Variants in PUS7 observed in about 807,000 individuals in gnomAD.
The protein encoded by PUS7 is pseudouridylate synthase 7 homolog.
PUS7 carries 48 observed loss-of-function variants against 79.8 expected under a neutral mutation model. The observed-to-expected ratio is 0.60, with a 90% CI of 0.48 to 0.76. The LOEUF (loss-of-function observed/expected upper bound fraction) is 0.76. Among genes scored for constraint, PUS7 ranks in the 30% least tolerant of loss-of-function variants. The probability of loss-of-function intolerance (pLI) is 0.00; values close to 1 mark genes in which losing one functional copy is unlikely to be tolerated. For missense variants in PUS7, 729 were observed against 797.6 expected (o/e 0.91, Z 1.04); for synonymous variants, 286 against 272.2 (o/e 1.05, Z -0.50).
chr7:105,516,790 G>C (rs1165344304), intron 1 of PUS7, among the ~76,000 whole-genome samples: 3 of 152,008 alleles, frequency 2.0e-5, no homozygotes, highest in African/African-American at 7.2e-5. Flanking sequence ...TTGGGGAGAG[G>C]AGAGAGAGGT....
intron 1 of PUS7, among the ~76,000 whole-genome samples, chr7:105,511,043 T>A (rs1218520030): frequency 6.6e-6 from 1 of 151,836 alleles, no homozygotes; most frequent in Non-Finnish European, 1.5e-5. Flanking sequence ...TTTATTTATT[T>A]ATTTTTGAGA....
chr7:105,465,285 A>G lies in PUS7; in HGVS notation c.1627+28T>C. The G allele has an allele frequency of 2.0e-6, 3 of 1,491,996 alleles. No individual in the cohort carries two copies. In the South Asian group the frequency reaches 3.5e-5, roughly 17 times the overall value. The allele number at this position is 1,491,996 out of a possible 1,614,324, so 92.4% of individuals were successfully genotyped here. The stretch of plus-strand genomic sequence containing the variant: ...AGCTTCATTATGTTAAACTTGTTTT[A>G]ACTATTTTCCCCATACAGGGAACTT... On this transcript the variant is annotated intron_variant, in intron 13 of 15. Coordinates refer to ENST00000469408, the MANE Select transcript of PUS7 (RefSeq NM_019042.5).
intron 5 of PUS7, among the ~76,000 whole-genome samples, chr7:105,496,195 A>T (rs1457989380): frequency 1.5e-5 from 1 of 64,708 alleles, no homozygotes; most frequent in African/African-American, 8.2e-5. Context: ...ACACACACAC[A>T]CATATATATA....
chr7:105,472,079 G>T, intron 10 of PUS7, 53 bp downstream of exon 10: 1 of 1,156,142 alleles, frequency 8.6e-7, no homozygotes, highest in South Asian at 1.4e-5. Context: ...GCAATTTCAT[G>T]AATACCTAGC....
intron 7 of PUS7, among the ~76,000 whole-genome samples, chr7:105,486,028 TTTTC>T (rs1209298867): frequency 6.6e-6 from 1 of 151,628 alleles, no homozygotes; most frequent in Non-Finnish European, 1.5e-5. Flanking sequence ...CTATATTTAT[TTTTC>T]TTTCTTTTTT....
chr7:105,467,034 GTTT>G (rs56177512), intron 12 of PUS7, among the ~76,000 whole-genome samples: 4,178 of 70,656 alleles, frequency 0.059, 265 homozygotes, highest in African/African-American at 0.18. Context: ...AGTTTTTTCT[GTTT>G]TTTTTTTTTT....
chr7:105,494,849 G>A (rs185979029), intron 6 of PUS7, among the ~76,000 whole-genome samples: 131 of 151,776 alleles, frequency 8.6e-4, no homozygotes, highest in African/African-American at 3.1e-3. Context: ...TGTGGCATAC[G>A]CCTGTAATCC....
intron 11 of PUS7, 137 bp downstream of exon 11, chr7:105,470,551 G>T: frequency 9.7e-7 from 1 of 1,029,828 alleles, no homozygotes; most frequent in Non-Finnish European, 1.4e-6. Context: ...GACTACTCAG[G>T]TGAAACACCT....
At chr7:105,508,629 G>C in intron 1 of PUS7, 85 bp from the exon 2 acceptor site, 1 of 1,491,650 alleles carries the variant, frequency 6.7e-7, no homozygotes, top group Non-Finnish European at 8.9e-7. Context: ...TGTAATCCCA[G>C]CGTTTTGAGG....
intron 1 of PUS7, among the ~76,000 whole-genome samples, chr7:105,510,523 T>A (rs1825661493): frequency 6.6e-6 from 1 of 151,618 alleles, no homozygotes. Context: ...AAATTTTAAT[T>A]TTTTTTTTGA....
chr7:105,488,452 G>GA (rs1301492542), intron 7 of PUS7, among the ~76,000 whole-genome samples: 3 of 152,012 alleles, frequency 2.0e-5, no homozygotes, highest in Non-Finnish European at 4.4e-5. Flanking sequence ...CAGATGGAAA[G>GA]AAAAAAGACA....
At position 105,504,230 on chromosome 7, in the gene PUS7, C is replaced by T. The variant is rs6957802; in HGVS notation, c.586-1666G>A. On this transcript the variant is annotated intron_variant, in intron 4 of 15. Transcript: ENST00000469408. The stretch of plus-strand genomic sequence containing the variant: ...GATTACAGGTGCCCGCCACCACGCC[C>T]AGCTAATTTTTCGTATTTTTAGTAG... Among the ~76,000 whole-genome samples, 544 of 137,000 alleles carry T rather than the reference C, an allele frequency of 4.0e-3. 15 individuals carry two copies. The highest frequency in any genetic ancestry group is 0.014 in the African/African-American group (523 of 38,556). 89.9% of individuals were successfully genotyped at this position (137,000 alleles called of 152,430 possible).
chr7:105,465,001 T>C (rs1823580684), intron 13 of PUS7, among the ~76,000 whole-genome samples: 1 of 152,138 alleles, frequency 6.6e-6, no homozygotes, highest in African/African-American at 2.4e-5. Context: ...GTATTTTTAG[T>C]AGAGACGGGG....
At chr7:105,477,256 TA>T (rs1484041262) in intron 9 of PUS7, among the ~76,000 whole-genome samples, 1 of 151,986 alleles carries the variant, frequency 6.6e-6, no homozygotes, top group Non-Finnish European at 1.5e-5. Context: ...TTTATTTTAT[TA>T]TTTTTTTTTT....
At chr7:105,496,681 G>C (rs1480691014) in intron 5 of PUS7, among the ~76,000 whole-genome samples, 1 of 152,178 alleles carries the variant, frequency 6.6e-6, no homozygotes, top group Non-Finnish European at 1.5e-5. Flanking sequence ...AACCATTTCA[G>C]AAAACTGCCA....
intron 13 of PUS7, among the ~76,000 whole-genome samples, chr7:105,463,725 C>T (rs905979044): frequency 6.6e-6 from 1 of 151,654 alleles, no homozygotes; most frequent in African/African-American, 2.4e-5. Context: ...GCCTTCTACT[C>T]ATTCAGTAAC....
chr7:105,482,625 G>A (rs769277462), intron 7 of PUS7, among the ~76,000 whole-genome samples, 185 bp from the exon 8 acceptor site: 1 of 152,098 alleles, frequency 6.6e-6, no homozygotes, highest in Non-Finnish European at 1.5e-5. Flanking sequence ...TCTTCCTTCA[G>A]TGTAATGGTA....
chr7:105,515,433 A>G, intron 1 of PUS7, among the ~76,000 whole-genome samples: 1 of 152,100 alleles, frequency 6.6e-6, no homozygotes. Flanking sequence ...TCTTTGTACT[A>G]GATTCTGACG....
Position 105,501,898 on chromosome 7 carries a change from T to G in PUS7, c.730+522A>C, listed in dbSNP as rs1428060190. Among the ~76,000 whole-genome samples the G allele has an allele frequency of 2.0e-5, 3 of 146,980 alleles. No homozygotes were observed. The Admixed American group carries it at 2.1e-4, about 10-fold the overall frequency. On this transcript the variant is annotated intron_variant, in intron 5 of 15. Coordinates refer to ENST00000469408, the MANE Select transcript of PUS7 (RefSeq NM_019042.5). ...TGAACCCAGGAGGCGGAGCTTGCAG[T>G]GAGCCGAGATCGTGCCACTGCACTC... is the stretch of plus-strand genomic sequence containing the variant.
Sources: allele counts gnomAD v4.1 joint callset (sites outside exome capture counted in the v4.1 genomes callset), GRCh38; gene constraint gnomAD v4.1.1; transcripts MANE v1.5; gene names NCBI Gene and HGNC (gene_info 2026-07-23, HGNC 2026-07-21).